Variants in NCLN observed in about 807,000 individuals in gnomAD.
NCLN encodes the protein nicalin.
NCLN carries 34 observed loss-of-function variants against 69.5 expected under a neutral mutation model. The ratio of observed to expected loss-of-function variants is 0.49; its 90% CI spans 0.37 to 0.65. The LOEUF is 0.65. Among genes scored for constraint, NCLN ranks in the 30% least tolerant of loss-of-function variants. The probability of loss-of-function intolerance (pLI) is 0.00; values close to 1 mark genes in which losing one functional copy is unlikely to be tolerated. For synonymous variants in NCLN, 393 were observed against 358.3 expected (o/e 1.10, Z -1.09); for missense variants, 710 against 804.8 (o/e 0.88, Z 1.42).
At chr19:3,188,796 T>C (rs1422718450) in intron 1 of NCLN, among the ~76,000 whole-genome samples, 1 of 152,182 alleles carries the variant, frequency 6.6e-6, no homozygotes, top group Non-Finnish European at 1.5e-5. Context: ...GCCTCCATGC[T>C]CCTCATCTGC....
At chr19:3,200,096 A>G (rs1304819001) in intron 5 of NCLN, among the ~76,000 whole-genome samples, 2 of 152,008 alleles carry the variant, frequency 1.3e-5, no homozygotes. Flanking sequence ...TTGGAGGGCC[A>G]GGCCCCCAGC....
chr19:3,187,472 G>C (rs1422572228), intron 1 of NCLN, among the ~76,000 whole-genome samples: 4 of 152,176 alleles, frequency 2.6e-5, no homozygotes. Context: ...CCTGAGGCGC[G>C]GGGACCCCCA....
At chr19:3,207,490 G>A (rs759401981) in intron 14 of NCLN, 21 bp downstream of exon 14, 77 of 1,612,052 alleles carry the variant, frequency 4.8e-5, no homozygotes, top group Admixed American at 2.3e-4. Context: ...CCCAGGCTCA[G>A]GTGGGGCAGG....
chr19:3,199,891 G>A lies in NCLN; in HGVS notation c.696+994G>A, dbSNP rs182819397. On this transcript the variant is annotated intron_variant, in intron 5 of 14. Coordinates refer to ENST00000246117, the MANE Select transcript of NCLN (RefSeq NM_020170.4). ...AATTTTTTTTATTTTTAGTAGAGAC[G>A]GGGTTTCACCACGTTAGCCAGGATG... Among the ~76,000 whole-genome samples, 83 of 151,294 alleles carry A rather than the reference G, an allele frequency of 5.5e-4. 1 individual carries two copies. The East Asian group carries it at 0.012, about 22-fold the overall frequency.
In NCLN at chr19:3,204,497, C is replaced by A. The variant is rs1033089496; in HGVS notation, c.1030-76C>A. ...GCACCCTCGGGGGTTCTGGGAGGCC[C>A]CTGGAGCATTTGGGGAATGGGCTGG... On this transcript the variant is annotated intron_variant, in intron 8 of 14. Coordinates refer to ENST00000246117, the MANE Select transcript of NCLN (RefSeq NM_020170.4). 6.8e-5 allele frequency: 97 copies of A among 1,432,300 alleles called. No homozygotes were observed. In the Admixed American group the frequency reaches 1.9e-3, roughly 27 times the overall value. 88.7% of individuals were successfully genotyped at this position (1,432,300 alleles called of 1,614,324 possible).
chr19:3,197,503 G>A (rs1230697751), intron 4 of NCLN, among the ~76,000 whole-genome samples: 2 of 152,304 alleles, frequency 1.3e-5, no homozygotes, highest in African/African-American at 2.4e-5. Context: ...GTGCAGTGGC[G>A]CGATCTCTGC....
At chr19:3,198,784 C>T (rs776861462) in intron 4 of NCLN, 33 bp from the exon 5 acceptor site, 1 of 1,549,234 alleles carries the variant, frequency 6.5e-7, no homozygotes, top group Non-Finnish European at 8.7e-7. Context: ...GCCCCAGGAA[C>T]AGCCAGGCCA....
rs1184672183 is a variant in NCLN at position 3,209,176 on chromosome 19, T to C, written c.*1488T>C. 6.6e-6 allele frequency: 1 copy of C among 152,360 alleles called. No homozygotes were observed. The highest frequency in any genetic ancestry group is 1.5e-5 in the Non-Finnish European group (1 of 68,140). 9.4% of individuals were successfully genotyped at this position (152,360 alleles called of 1,614,324 possible). A position where few individuals can be genotyped will look rare whatever the true frequency, so the allele number is the denominator to read the frequency against. On this transcript the variant is annotated 3_prime_UTR_variant, in exon 15 of 15. Coordinates refer to ENST00000246117, the MANE Select transcript of NCLN (RefSeq NM_020170.4). ...CCACCAGTTCTTCGGCCAGCACCTC[T>C]GCCCTCCAGAACCTGCAGCCTGGAG...
rs758583459 is a variant in NCLN at position 3,201,621 on chromosome 19, C to T, written c.795C>T (p.His265=). 81 of 1,536,048 alleles carry T rather than the reference C, an allele frequency of 5.3e-5. No individual in the cohort carries two copies. Among genetic ancestry groups the T allele is most frequent in the Middle Eastern group, 4.5e-4 (2 of 4,482 alleles). The change falls in exon 6 of 15, where the codon CAC becomes CAT. Residue 265 remains histidine, a synonymous_variant. Coordinates refer to ENST00000246117, the MANE Select transcript of NCLN (RefSeq NM_020170.4). The part of the protein sequence containing the change: ...FSRLYTYKRT[H]AAYNLLFFAS... ...GGCTCTACACCTACAAGCGCACGCA[C>T]GCCGCGTGAGTGCCGGGGTGGGCAG...
intron 3 of NCLN, among the ~76,000 whole-genome samples, chr19:3,194,002 C>CCGGGGCTGTCATCAGCTACTGGGGGAG (rs1915896661): frequency 6.6e-6 from 1 of 152,168 alleles, no homozygotes; most frequent in Non-Finnish European, 1.5e-5. Context: ...AGGGGCTTGC[C>CCGGGGCTGTCATCAGCTACTGGGGGAG]CGGGGCTGTC....
rs367728231 is a variant in NCLN at position 3,189,061 on chromosome 19, T to C, written c.184+2847T>C. Among the ~76,000 whole-genome samples, 80 of 152,332 alleles carry C rather than the reference T, an allele frequency of 5.3e-4. 3 individuals carry two copies. In the East Asian group the frequency reaches 0.011, roughly 21 times the overall value. On this transcript the variant is annotated intron_variant, in intron 1 of 14. Transcript: ENST00000246117. ...ACTCGCTGGGGAGTCCTTTCCCAACTTCCTTCCTGCTGCTGTTGAGAGGCA... is the reference window on the plus strand; with the variant it reads ...ACTCGCTGGGGAGTCCTTTCCCAACCTCCTTCCTGCTGCTGTTGAGAGGCA...
At chr19:3,187,208 C>T (rs539699238) in intron 1 of NCLN, among the ~76,000 whole-genome samples, 5 of 152,312 alleles carry the variant, frequency 3.3e-5, no homozygotes, top group Admixed American at 2.0e-4. Context: ...ACAGCCTCGC[C>T]CCCTCCCGTC....
At chr19:3,188,647 C>T (rs1490240339) in intron 1 of NCLN, among the ~76,000 whole-genome samples, 1 of 152,190 alleles carries the variant, frequency 6.6e-6, no homozygotes, top group Admixed American at 6.5e-5. Flanking sequence ...CTCCCCTGTA[C>T]CCTCCTCCCT....
chr19:3,209,488 T>C lies in NCLN; in HGVS notation c.*1800T>C, dbSNP rs1238494753. The C allele has an allele frequency of 6.6e-6, 1 of 152,238 alleles. No individual in the cohort carries two copies. Among genetic ancestry groups the C allele is most frequent in the Non-Finnish European group, 1.5e-5 (1 of 68,052 alleles). The allele number at this position is 152,238 out of a possible 1,614,324, so 9.4% of individuals were successfully genotyped here. A position where few individuals can be genotyped will look rare whatever the true frequency, so the allele number is the denominator to read the frequency against. ...TTCCTTCCTGGACAGGTCGTCATGA[T>C]GGATGCACTGACTGACCGTCTGGGG... is the stretch of plus-strand genomic sequence containing the variant. On this transcript the variant is annotated 3_prime_UTR_variant, in exon 15 of 15. Transcript: ENST00000246117.
intron 11 of NCLN, 21 bp from the exon 12 acceptor site, chr19:3,206,241 C>A: frequency 6.5e-7 from 1 of 1,537,524 alleles, no homozygotes; most frequent in Non-Finnish European, 8.8e-7. Flanking sequence ...CAGGCCATGA[C>A]TACCACCACC....
intron 3 of NCLN, 44 bp downstream of exon 3, chr19:3,193,472 G>T: frequency 1.9e-6 from 3 of 1,545,916 alleles, no homozygotes; most frequent in Non-Finnish European, 1.7e-6. Context: ...GCGTGGGTGT[G>T]GGGAGGCGTC....
intron 1 of NCLN, among the ~76,000 whole-genome samples, chr19:3,190,935 C>A (rs904463549): frequency 6.6e-6 from 1 of 152,126 alleles, no homozygotes; most frequent in Non-Finnish European, 1.5e-5. Context: ...CCCAGCTGAA[C>A]GTGGGTGGCC....
chr19:3,201,660 CG>C, intron 6 of NCLN, 34 bp downstream of exon 6: 7 of 880,364 alleles, frequency 8.0e-6, no homozygotes, highest in Non-Finnish European at 1.2e-5. Flanking sequence ...GATGGGGGTG[CG>C]GGGGCCACAC....
At chr19:3,195,973 C>A (rs1015414426) in intron 3 of NCLN, among the ~76,000 whole-genome samples, 4 of 152,140 alleles carry the variant, frequency 2.6e-5, no homozygotes, top group Non-Finnish European at 5.9e-5. Context: ...CCCAGCAGAA[C>A]GTTCCAGAAA....
Sources: gnomAD v4.1 joint callset for allele counts (sites outside exome capture counted in the v4.1 genomes callset) on GRCh38, gnomAD v4.1.1 for gene constraint, MANE v1.5 for transcripts, NCBI Gene and HGNC (gene_info 2026-07-23, HGNC 2026-07-21) for gene names.